UBA5: variants seen among roughly 807,000 people sequenced by gnomAD.
The protein encoded by UBA5 is ubiquitin-like modifier-activating enzyme 5.
UBA5 carries 28 observed loss-of-function variants against 52.9 expected under a neutral mutation model. The ratio of observed to expected loss-of-function variants is 0.53; its 90% CI spans 0.39 to 0.73. The LOEUF is 0.73. UBA5 is among the 30% of genes least tolerant of loss of function. UBA5 has a pLI of 0.00. For synonymous variants in UBA5, 135 were observed against 162.1 expected (o/e 0.83, Z 1.27); for missense variants, 388 against 492.7 (o/e 0.79, Z 2.01).
rs2107937223 is a variant in UBA5 at position 132,668,901 on chromosome 3, A to G, written c.381A>G (p.Lys127=). The part of the protein sequence containing the change: ...FFQPHQAGLS[K]VQAAEHTLRN... ...AACCTCATCAAGCAGGATTAAGTAA[A>G]GTTCAAGCAGCAGAACATACTCTGA... Residue 127 remains lysine, a synonymous_variant, in exon 4 of 12, where the codon AAA becomes AAG. Coordinates refer to ENST00000356232, the MANE Select transcript of UBA5 (RefSeq NM_024818.6). The G allele has an allele frequency of 3.1e-6, 5 of 1,610,488 alleles. No homozygotes were observed. Among genetic ancestry groups the G allele is most frequent in the Non-Finnish European group, 2.5e-6 (3 of 1,178,640 alleles).
rs190072904 is a variant in UBA5 at position 132,666,463 on chromosome 3, G to C, written c.297+390G>C. 1.1e-4 allele frequency among the ~76,000 whole-genome samples: 17 copies of C among 152,206 alleles called. No homozygotes were observed. The South Asian group carries it at 1.9e-3, about 17-fold the overall frequency. On this transcript the variant is annotated intron_variant, in intron 3 of 11. Coordinates refer to ENST00000356232, the MANE Select transcript of UBA5 (RefSeq NM_024818.6). ...CTTTCCTACTCTTGATTTTGAACTA[G>C]AGAATGCTCTGGATGGATTTTTAAA...
intron 1 of UBA5, among the ~76,000 whole-genome samples, chr3:132,661,276 G>T (rs1217918377): frequency 2.0e-5 from 3 of 152,158 alleles, no homozygotes; most frequent in Non-Finnish European, 4.4e-5. Context: ...TCTACCGCCA[G>T]ACTGATTGCA....
rs1938886701 is a variant in UBA5 at position 132,677,446 on chromosome 3, C to T, written c.*920C>T. On this transcript the variant is annotated 3_prime_UTR_variant, in exon 12 of 12. Transcript: ENST00000356232. ...GAATAAAGGAAAAGTTCTAAACTGC[C>T]TCTGCAATGACTTGTAGTCAGTGGA... 1 of 152,328 alleles carries T rather than the reference C, an allele frequency of 6.6e-6. No homozygotes were observed. Among genetic ancestry groups the T allele is most frequent in the Admixed American group, 6.5e-5 (1 of 15,304 alleles). 9.4% of individuals were successfully genotyped at this position (152,328 alleles called of 1,614,324 possible).
At chr3:132,670,474 A>G (rs1938553598) in intron 5 of UBA5, among the ~76,000 whole-genome samples, 190 bp downstream of exon 5, 2 of 152,146 alleles carry the variant, frequency 1.3e-5, no homozygotes, top group African/African-American at 4.8e-5. Context: ...TCCAAAAACA[A>G]TTAAAAATAA....
chr3:132,675,885 C>A lies in UBA5; in HGVS notation c.1093C>A (p.Pro365Thr), dbSNP rs775075107. ...KNFSGPVPDL[P>T]EGITVAYTIP... ...TTTTTCAGGTCCAGTTCCAGACTTA[C>A]CTGAAGGAATTACAGTGGCATACAC... is the stretch of plus-strand genomic sequence containing the variant. The change falls in exon 11 of 12, where the codon CCT becomes ACT. Residue 365 changes from proline to threonine, a missense_variant. This residue lies in a region of UBA5 where 277 missense variants were observed against 326.4 expected (regional missense o/e 0.85). Transcript: ENST00000356232. 6.8e-6 allele frequency: 11 copies of A among 1,611,250 alleles called. No homozygotes were observed. The highest frequency in any genetic ancestry group is 9.3e-6 in the Non-Finnish European group (11 of 1,178,946).
At chr3:132,664,795 A>G (rs1240579759) in intron 1 of UBA5, among the ~76,000 whole-genome samples, 3 of 152,178 alleles carry the variant, frequency 2.0e-5, no homozygotes, top group Non-Finnish European at 4.4e-5. Context: ...CTGTATGTGC[A>G]GTAAGTCTAG....
Position 132,665,124 on chromosome 3 carries a change from T to C in UBA5, c.162-699T>C, listed in dbSNP as rs148212754. Among the ~76,000 whole-genome samples the C allele has an allele frequency of 1.4e-4, 22 of 152,238 alleles. 2 individuals are homozygous for C. The East Asian group carries it at 4.0e-3, about 28-fold the overall frequency. ...GTCTGCGTGCAGTGGGGATGAATGC[T>C]AAGAGCAAAATCTGATTCACGTAAT... On this transcript the variant is annotated intron_variant, in intron 1 of 11. Transcript: ENST00000356232.
chr3:132,671,901 G>A lies in UBA5; in HGVS notation c.684+20G>A, dbSNP rs1938621345. The A allele has an allele frequency of 6.2e-7, 1 of 1,608,650 alleles. No individual in the cohort carries two copies. On this transcript the variant is annotated intron_variant, in intron 7 of 11. Coordinates refer to ENST00000356232, the MANE Select transcript of UBA5 (RefSeq NM_024818.6). ...TTTGCGGTATGCATTATTCTTTTTG[G>A]AATATTCTTCACTGTTAGATACTTG...
Position 132,665,851 on chromosome 3 carries a change from A to G in UBA5, c.190A>G (p.Ile64Val), listed in dbSNP as rs772889629. The stretch of plus-strand genomic sequence containing the variant: ...CTTGATGGCATTGAAACGAATGGGA[A>G]TTGTAAGCGACTATGAGGTATGATA... ...SRLMALKRMG[I>V]VSDYEKIRTF... Residue 64 changes from isoleucine (I) to valine (V), a missense_variant, in exon 2 of 12, where the codon ATT becomes GTT. Around this residue, in one of 3 missense-constraint regions of UBA5, gnomAD observed 95 missense variants for 107.0 expected, o/e 0.89. Transcript: ENST00000356232. 6.2e-7 allele frequency: 1 copy of G among 1,612,908 alleles called. No individual in the cohort carries two copies. Among genetic ancestry groups the G allele is most frequent in the South Asian group, 1.1e-5 (1 of 91,006 alleles).
At chr3:132,663,487 G>A (rs966459203) in intron 1 of UBA5, among the ~76,000 whole-genome samples, 3 of 152,090 alleles carry the variant, frequency 2.0e-5, no homozygotes, top group East Asian at 1.9e-4. Flanking sequence ...ACTGAGTGTC[G>A]AGACTCCCAG....
upstream of UBA5, among the ~76,000 whole-genome samples, chr3:132,657,866 CTTTTTT>C (rs56190801): frequency 8.4e-6 from 1 of 119,166 alleles, no homozygotes; most frequent in South Asian, 2.9e-4. Flanking sequence ...ACACATATTC[CTTTTTT>C]TTTTTTTTTT....
At chr3:132,659,611 G>A, upstream of UBA5, 1 of 1,610,656 alleles carries the variant, frequency 6.2e-7, no homozygotes, top group Non-Finnish European at 8.5e-7. Context: ...ACCTGTACTG[G>A]GCAATGGTCA....
At chr3:132,667,729 T>C (rs1938435239) in intron 3 of UBA5, 1 of 152,122 alleles carries the variant, frequency 6.6e-6, no homozygotes, top group South Asian at 2.1e-4. Context: ...AAAGTGAAAG[T>C]GATTTACCCA....
intron 8 of UBA5, 30 bp from the exon 9 acceptor site, chr3:132,675,214 ATTTC>A (rs760111062): frequency 1.6e-5 from 24 of 1,470,604 alleles, no homozygotes; most frequent in Middle Eastern, 2.2e-4. Flanking sequence ...CATGTTTTAA[ATTTC>A]TTTATTTAAG....
At chr3:132,671,098 C>T (rs769894338) in intron 6 of UBA5, 49 bp downstream of exon 6, 1 of 1,484,324 alleles carries the variant, frequency 6.7e-7, no homozygotes, top group Non-Finnish European at 9.4e-7. Context: ...ATCTGTTTTC[C>T]TGTATATTCT....
At chr3:132,660,138 C>A (rs1448256566), upstream of UBA5, 2 of 342,474 alleles carry the variant, frequency 5.8e-6, no homozygotes, top group Non-Finnish European at 1.1e-5. The surrounding 1 kb of genome is among the most constrained non-coding windows in gnomAD (Gnocchi z 4.1). Context: ...AGAAAAAGGG[C>A]CGTCAGACTG....
chr3:132,666,130 C>T, intron 3 of UBA5, 57 bp downstream of exon 3: 2 of 1,479,554 alleles, frequency 1.4e-6, no homozygotes, highest in Non-Finnish European at 1.9e-6. Context: ...TGGAGTAAAT[C>T]AGGTACAAGT....
Position 132,660,706 on chromosome 3 carries a change from G to C in UBA5, c.161+8G>C. On this transcript the variant is annotated splice_region_variant and intron_variant, in intron 1 of 11. Coordinates refer to ENST00000356232, the MANE Select transcript of UBA5 (RefSeq NM_024818.6). This position sits in a 1 kb window ranked among gnomAD's most constrained non-coding sequence, Gnocchi z 4.1. ...GGATTCGAATCCCTACAGGTAACCT[G>C]CGTCGCCGGTCGGAGGCAGGCGCGG... 6.5e-7 allele frequency: 1 copy of C among 1,536,314 alleles called. No individual in the cohort carries two copies. Among genetic ancestry groups the C allele is most frequent in the Non-Finnish European group, 8.8e-7 (1 of 1,136,248 alleles).
intron 1 of UBA5, among the ~76,000 whole-genome samples, chr3:132,664,438 G>T (rs887752598): frequency 3.3e-5 from 5 of 151,996 alleles, no homozygotes; most frequent in African/African-American, 7.2e-5. Flanking sequence ...TACCTTTGCC[G>T]TACCCTTTGC....
Sources: gnomAD v4.1 joint callset for allele counts (sites outside exome capture counted in the v4.1 genomes callset) on GRCh38, gnomAD v4.1.1 for gene constraint, gnomAD v4.1.1 regional missense constraint, Gnocchi (gnomAD v3.1) non-coding constraint, MANE v1.5 for transcripts, NCBI Gene and HGNC (gene_info 2026-07-23, HGNC 2026-07-21) for gene names.